Variants in BMP2K observed in about 807,000 individuals in gnomAD.
BMP2K encodes BMP2 inducible kinase.
In BMP2K, 74 loss-of-function variants were observed where a neutral mutation model predicts 116.0. The ratio of observed to expected loss-of-function variants is 0.64; its 90% CI spans 0.53 to 0.77. BMP2K has a LOEUF of 0.77. Among genes scored for constraint, BMP2K ranks in the 30% least tolerant of loss-of-function variants. The pLI, the probability that BMP2K is intolerant of heterozygous loss-of-function variation, is 0.00. For missense variants in BMP2K, 1,365 were observed against 1,403.6 expected (o/e 0.97, Z 0.44); for synonymous variants, 486 against 502.5 (o/e 0.97, Z 0.44).
At chr4:78,828,334 G>A (rs957124695) in intron 2 of BMP2K, among the ~76,000 whole-genome samples, 2 of 152,176 alleles carry the variant, frequency 1.3e-5, no homozygotes, top group Non-Finnish European at 2.9e-5. Context: ...TATGAGGTAT[G>A]GGGGAAGGGG....
chr4:78,867,738 C>G (rs1373811438), intron 10 of BMP2K, among the ~76,000 whole-genome samples: 2 of 152,112 alleles, frequency 1.3e-5, no homozygotes, highest in East Asian at 3.8e-4. Context: ...TGTGTATATA[C>G]AGATATAAAT....
Position 78,815,901 on chromosome 4 carries a change from A to T in BMP2K, c.179-10136A>T, listed in dbSNP as rs554300660. ...TCATGGAGGATGGAAACTTAAAAAA[A>T]TATTGATGAGTAAAGTGACATGATG... On this transcript the variant is annotated intron_variant, in intron 1 of 15. Transcript: ENST00000502613. Among the ~76,000 whole-genome samples, 40 of 152,304 alleles carry T rather than the reference A, an allele frequency of 2.6e-4. No homozygotes were observed. The South Asian group carries it at 7.7e-3, about 29-fold the overall frequency.
chr4:78,787,434 A>G (rs1359035178), intron 1 of BMP2K, among the ~76,000 whole-genome samples: 2 of 151,998 alleles, frequency 1.3e-5, no homozygotes, highest in Non-Finnish European at 2.9e-5. Flanking sequence ...ATTTGATGTG[A>G]CTCTCAAAAT....
intron 14 of BMP2K, among the ~76,000 whole-genome samples, chr4:78,880,753 GATA>G (rs1732852579): frequency 6.6e-6 from 1 of 152,194 alleles, no homozygotes; most frequent in South Asian, 2.1e-4. Context: ...TTCATGATCA[GATA>G]ATGTGTAAAT....
intron 14 of BMP2K, among the ~76,000 whole-genome samples, chr4:78,880,517 T>A (rs1439448409): frequency 6.6e-6 from 1 of 152,208 alleles, no homozygotes; most frequent in East Asian, 1.9e-4. Flanking sequence ...AGGTAAAAAA[T>A]TATTTTTAAA....
chr4:78,901,696 G>A (rs902067142), intron 15 of BMP2K, among the ~76,000 whole-genome samples: 4 of 152,132 alleles, frequency 2.6e-5, no homozygotes, highest in African/African-American at 9.7e-5. Flanking sequence ...CATAGGATAG[G>A]TGGCTCTGTG....
chr4:78,867,937 G>A (rs900716032), intron 10 of BMP2K, among the ~76,000 whole-genome samples: 1 of 152,178 alleles, frequency 6.6e-6, no homozygotes, highest in African/African-American at 2.4e-5. Context: ...GCATATGCCT[G>A]TAATCCCAGC....
intron 1 of BMP2K, among the ~76,000 whole-genome samples, chr4:78,817,748 G>A (rs1729422561): frequency 6.6e-6 from 1 of 152,138 alleles, no homozygotes; most frequent in Non-Finnish European, 1.5e-5. Context: ...GGGAGGGGCT[G>A]AAAGTTCCAA....
intron 1 of BMP2K, among the ~76,000 whole-genome samples, chr4:78,804,137 AAAC>A (rs1356880235): frequency 6.6e-6 from 1 of 152,092 alleles, no homozygotes; most frequent in African/African-American, 2.4e-5. Context: ...TCCCCACCCC[AAAC>A]TCTTGTAATC....
intron 15 of BMP2K, among the ~76,000 whole-genome samples, chr4:78,909,289 G>A (rs1434128576): frequency 2.0e-5 from 3 of 151,876 alleles, no homozygotes. Flanking sequence ...ACCCGCCTTG[G>A]CCTCCCAAAG....
At chr4:78,854,549 A>T (rs1296767912) in intron 7 of BMP2K, among the ~76,000 whole-genome samples, 1 of 152,086 alleles carries the variant, frequency 6.6e-6, no homozygotes, top group Non-Finnish European at 1.5e-5. Context: ...CTGGGACTAT[A>T]GGCATGAGGC....
chr4:78,848,080 G>C (rs1172599107), intron 6 of BMP2K, among the ~76,000 whole-genome samples: 1 of 151,386 alleles, frequency 6.6e-6, no homozygotes, highest in Non-Finnish European at 1.5e-5. Context: ...ATATCTCCTT[G>C]GTTTTCCTTT....
intron 1 of BMP2K, among the ~76,000 whole-genome samples, chr4:78,797,494 T>C (rs2109947755): frequency 6.6e-6 from 1 of 152,296 alleles, no homozygotes; most frequent in Admixed American, 6.5e-5. Flanking sequence ...TAGGAAAAGG[T>C]CCAGAAAACT....
chr4:78,875,699 C>T (rs1045623799), intron 13 of BMP2K, among the ~76,000 whole-genome samples: 2 of 152,182 alleles, frequency 1.3e-5, no homozygotes, highest in African/African-American at 4.8e-5. Flanking sequence ...CCTCTGAAGG[C>T]TTGGCTGGTG....
At chr4:78,807,671 A>G (rs932392819) in intron 1 of BMP2K, among the ~76,000 whole-genome samples, 2 of 152,040 alleles carry the variant, frequency 1.3e-5, no homozygotes, top group African/African-American at 2.4e-5. Flanking sequence ...CTAGGAATTT[A>G]TCGGTTTCAC....
At chr4:78,854,662 C>T (rs944746728) in intron 7 of BMP2K, among the ~76,000 whole-genome samples, 1 of 152,048 alleles carries the variant, frequency 6.6e-6, no homozygotes. Flanking sequence ...TGGTACTACA[C>T]GTGTGAGCCA....
Position 78,915,549 on chromosome 4 carries a change from TCTA to T in BMP2K, c.*3519_*3521del, listed in dbSNP as rs1734973066. 6.6e-6 allele frequency: 1 copy of T among 151,932 alleles called. No individual in the cohort carries two copies. 9.4% of individuals were successfully genotyped at this position (151,932 alleles called of 1,614,324 possible). ...TCTACTGTGAGAATGAGATGACATA[TCTA>T]CTGTGAGAATACCATAAATGATGAA... On this transcript the variant is annotated 3_prime_UTR_variant, in exon 16 of 16. Transcript: ENST00000502613.
At chr4:78,898,617 TTAAA>T (rs1459624958) in intron 15 of BMP2K, among the ~76,000 whole-genome samples, 1 of 149,998 alleles carries the variant, frequency 6.7e-6, no homozygotes, top group African/African-American at 2.5e-5. Flanking sequence ...CCTTTCCTGT[TTAAA>T]GTCCTTCCAT....
At chr4:78,909,763 C>T (rs1354591558) in intron 15 of BMP2K, among the ~76,000 whole-genome samples, 1 of 152,146 alleles carries the variant, frequency 6.6e-6, no homozygotes, top group African/African-American at 2.4e-5. Context: ...GAGCACTAGT[C>T]ACAATTTATG....
Sources: gnomAD v4.1 joint callset for allele counts (sites outside exome capture counted in the v4.1 genomes callset) on GRCh38, gnomAD v4.1.1 for gene constraint, MANE v1.5 for transcripts, NCBI Gene and HGNC (gene_info 2026-07-23, HGNC 2026-07-21) for gene names.